The following LMX1A variants were observed in gnomAD, a reference collection of about 807,000 sequenced individuals.
LMX1A encodes LIM homeobox transcription factor 1 alpha, also known as LIM homeobox transcription factor 1-alpha.
In LMX1A, 15 loss-of-function variants were observed where a neutral mutation model predicts 49.1. The observed-to-expected ratio is 0.31, with a 90% CI of 0.20 to 0.47. The LOEUF is 0.47. LMX1A is among the 20% of genes least tolerant of loss of function. The pLI, the probability that LMX1A is intolerant of heterozygous loss-of-function variation, is 1.00. For missense variants in LMX1A, 372 were observed against 475.8 expected (o/e 0.78, Z 2.03); for synonymous variants, 167 against 185.7 (o/e 0.90, Z 0.82).
chr1:165,205,754 T>C (rs891831567), intron 8 of LMX1A, 110 bp downstream of exon 8: 7 of 1,022,866 alleles, frequency 6.8e-6, no homozygotes, highest in East Asian at 2.5e-5. Flanking sequence ...GGCACATTAT[T>C]CTGCTTTGGA....
At chr1:165,306,860 G>C (rs1171711300) in intron 3 of LMX1A, among the ~76,000 whole-genome samples, 2 of 152,204 alleles carry the variant, frequency 1.3e-5, no homozygotes, top group Non-Finnish European at 2.9e-5. Flanking sequence ...TCCAGTCCTT[G>C]TTGAAAGCTG....
At chr1:165,344,718 C>G (rs1656182081) in intron 3 of LMX1A, among the ~76,000 whole-genome samples, 1 of 152,248 alleles carries the variant, frequency 6.6e-6, no homozygotes, top group Admixed American at 6.5e-5. Context: ...AAGGACAGCT[C>G]TTTAAATCCA....
chr1:165,218,182 A>C lies in LMX1A; in HGVS notation c.497-4369T>G, dbSNP rs940031253. Among the ~76,000 whole-genome samples, 7 of 152,194 alleles carry C rather than the reference A, an allele frequency of 4.6e-5. No homozygotes were observed. The East Asian group carries it at 1.3e-3, about 29-fold the overall frequency. ...TCTCCTGACCTCTTGTTCTCCATCA[A>C]AACTTACACATCCTGTGTCCCGTTC... On this transcript the variant is annotated intron_variant, in intron 4 of 8. Coordinates refer to ENST00000342310, the MANE Select transcript of LMX1A (RefSeq NM_177398.4).
At position 165,203,211 on chromosome 1, in the gene LMX1A, TGAAA is replaced by T. The variant is rs1474331166; in HGVS notation, c.*665_*668del. The T allele has an allele frequency of 6.6e-6, 1 of 152,598 alleles. No homozygotes were observed. The highest frequency in any genetic ancestry group is 1.5e-5 in the Non-Finnish European group (1 of 68,102). The allele number at this position is 152,598 out of a possible 1,614,324, so 9.5% of individuals were successfully genotyped here. ...GCCACACAGAATTTCTTTCCAGATC[TGAAA>T]GACACTCTGAAAACAGAATGAACCC... On this transcript the variant is annotated 3_prime_UTR_variant, in exon 9 of 9. Transcript: ENST00000342310.
chr1:165,218,277 A>G (rs1651714620), intron 4 of LMX1A: 2 of 152,250 alleles, frequency 1.3e-5, no homozygotes, highest in Non-Finnish European at 2.9e-5. Flanking sequence ...TCTCTCCCAC[A>G]GTCAATAACA....
At chr1:165,229,544 A>G (rs1484272338) in intron 4 of LMX1A, among the ~76,000 whole-genome samples, 1 of 152,222 alleles carries the variant, frequency 6.6e-6, no homozygotes, top group Non-Finnish European at 1.5e-5. Context: ...GGTCTTGAAC[A>G]AGGCACTTAA....
intron 3 of LMX1A, among the ~76,000 whole-genome samples, chr1:165,310,316 G>C (rs1232313434): frequency 6.6e-6 from 1 of 152,146 alleles, no homozygotes; most frequent in African/African-American, 2.4e-5. Context: ...CTCTTACCAG[G>C]CAGGAAGATT....
At chr1:165,253,995 G>A (rs2102641952) in intron 3 of LMX1A, among the ~76,000 whole-genome samples, 1 of 152,278 alleles carries the variant, frequency 6.6e-6, no homozygotes, top group South Asian at 2.1e-4. Flanking sequence ...CCCGGTTGCT[G>A]TTTGCCAACC....
chr1:165,301,102 G>A (rs1470783146), intron 3 of LMX1A, among the ~76,000 whole-genome samples: 1 of 152,144 alleles, frequency 6.6e-6, no homozygotes, highest in Non-Finnish European at 1.5e-5. Context: ...CAACTCTCAG[G>A]ACCGGCTTAA....
intron 4 of LMX1A, among the ~76,000 whole-genome samples, chr1:165,221,939 A>ATG (rs371916614): frequency 1.6e-5 from 2 of 125,142 alleles, no homozygotes; most frequent in Non-Finnish European, 1.7e-5. Flanking sequence ...ACACACACAC[A>ATG]CACACGCACA....
chr1:165,329,144 C>T (rs1016105429), intron 3 of LMX1A, among the ~76,000 whole-genome samples: 2 of 152,198 alleles, frequency 1.3e-5, no homozygotes, highest in African/African-American at 4.8e-5. Flanking sequence ...GTATGTCTTA[C>T]ATGCTGGCAG....
intron 3 of LMX1A, among the ~76,000 whole-genome samples, chr1:165,281,979 C>G: frequency 6.6e-6 from 1 of 152,134 alleles, no homozygotes; most frequent in Non-Finnish European, 1.5e-5. Context: ...TGTGAAATGG[C>G]CAACTGTGGT....
chr1:165,310,065 T>C (rs1029551825), intron 3 of LMX1A, among the ~76,000 whole-genome samples: 1 of 152,218 alleles, frequency 6.6e-6, no homozygotes, highest in Non-Finnish European at 1.5e-5. Context: ...GTATTATAAC[T>C]AAAGGGCATA....
chr1:165,343,278 G>T (rs79920930), intron 3 of LMX1A, among the ~76,000 whole-genome samples: 1 of 151,950 alleles, frequency 6.6e-6, no homozygotes, highest in Non-Finnish European at 1.5e-5. Context: ...AAGGAACAGC[G>T]GGACAAGGAT....
intron 4 of LMX1A, among the ~76,000 whole-genome samples, chr1:165,220,358 G>A (rs61800524): frequency 0.091 from 13,850 of 152,272 alleles, 804 homozygotes; most frequent in Non-Finnish European, 0.13. Context: ...TTCCAGGTAA[G>A]GAAGGAGAGG....
intron 4 of LMX1A, among the ~76,000 whole-genome samples, chr1:165,235,902 G>C (rs1652415383): frequency 6.6e-6 from 1 of 152,156 alleles, no homozygotes; most frequent in Admixed American, 6.5e-5. Context: ...TGCCGTCCGT[G>C]TGTGTTTCTG....
chr1:165,280,990 A>G (rs887928725), intron 3 of LMX1A, among the ~76,000 whole-genome samples: 2 of 152,152 alleles, frequency 1.3e-5, no homozygotes. Context: ...ATTGAGATCA[A>G]TTCATTTTCT....
chr1:165,210,951 A>C (rs1035710710), intron 5 of LMX1A, 175 bp from the exon 6 acceptor site: 6 of 437,992 alleles, frequency 1.4e-5, no homozygotes, highest in Admixed American at 4.0e-5. Context: ...TCAGGTAGAA[A>C]GAAAGTCCTT....
At chr1:165,296,963 A>T (rs1273549009) in intron 3 of LMX1A, among the ~76,000 whole-genome samples, 1 of 152,218 alleles carries the variant, frequency 6.6e-6, no homozygotes, top group Non-Finnish European at 1.5e-5. Flanking sequence ...GATGAGTTAG[A>T]TGTACAGGAA....
Sources: gnomAD v4.1 joint callset for allele counts (sites outside exome capture counted in the v4.1 genomes callset) on GRCh38, gnomAD v4.1.1 for gene constraint, MANE v1.5 for transcripts, NCBI Gene and HGNC (gene_info 2026-07-23, HGNC 2026-07-21) for gene names.